ZNF214: variants seen among roughly 807,000 people sequenced by gnomAD.
ZNF214 encodes the protein BWSCR2-associated zinc finger protein 1.
In ZNF214, 43 loss-of-function variants were observed where a neutral mutation model predicts 53.9. That is an observed-to-expected ratio of 0.80 (90% CI 0.63 to 1.03). The LOEUF (loss-of-function observed/expected upper bound fraction) is 1.03, where lower values mean the gene tolerates loss of function less well. ZNF214 is among the 50% of genes least tolerant of loss of function. The pLI is 0.00. For missense variants in ZNF214, 724 were observed against 719.1 expected (o/e 1.01, Z -0.08); for synonymous variants, 217 against 229.5 (o/e 0.95, Z 0.49).
chr11:7,006,188 A>G (rs1851466534), intron 1 of ZNF214, among the ~76,000 whole-genome samples: 1 of 151,920 alleles, frequency 6.6e-6, no homozygotes, highest in Admixed American at 6.6e-5. Context: ...GGTGTTTGAG[A>G]GCTTCCTTAC....
chr11:7,008,585 A>C (rs535689771), intron 1 of ZNF214, among the ~76,000 whole-genome samples: 1 of 152,284 alleles, frequency 6.6e-6, no homozygotes, highest in Non-Finnish European at 1.5e-5. Context: ...AGTCCTAGCC[A>C]GAGCAATCAG....
At chr11:7,018,495 C>CTTTTTTTTTTTTTTTTTTTT (rs55641448) in intron 1 of ZNF214, among the ~76,000 whole-genome samples, 2 of 61,876 alleles carry the variant, frequency 3.2e-5, no homozygotes, top group Admixed American at 4.9e-4. Flanking sequence ...AATGTTAAGA[C>CTTTTTTTTTTTTTTTTTTTT]TTTTTTTTTT....
intron 1 of ZNF214, among the ~76,000 whole-genome samples, chr11:7,014,834 T>TGC (rs1851720817): frequency 7.2e-6 from 1 of 138,268 alleles, no homozygotes; most frequent in African/African-American, 2.6e-5. Context: ...AAAAAAACAC[T>TGC]ACCCAGGAGG....
In ZNF214 at chr11:7,002,387, TACA is replaced by T. The variant is rs935077335; in HGVS notation, c.127+319_127+321del. The stretch of plus-strand genomic sequence containing the variant: ...CCACTAAGTCTGGCATAGTATGTTA[TACA>T]ACAAAAGCTAACTTATACAAATAGC... On this transcript the variant is annotated intron_variant, in intron 2 of 2. Transcript: ENST00000278314. Among the ~76,000 whole-genome samples, 102 of 152,084 alleles carry T rather than the reference TACA, an allele frequency of 6.7e-4. 1 individual carries two copies. The highest frequency in any genetic ancestry group is 2.3e-3 in the African/African-American group (96 of 41,508).
chr11:7,009,634 C>A (rs541911274), intron 1 of ZNF214, among the ~76,000 whole-genome samples: 1 of 152,260 alleles, frequency 6.6e-6, no homozygotes, highest in African/African-American at 2.4e-5. Flanking sequence ...ACAGAGTAAA[C>A]AGACAACATA....
chr11:7,002,743 G>T lies in ZNF214; in HGVS notation c.93C>A (p.Val31=). 1 of 1,606,812 alleles carries T rather than the reference G, an allele frequency of 6.2e-7. No homozygotes were observed. Among genetic ancestry groups the T allele is most frequent in the Non-Finnish European group, 8.5e-7 (1 of 1,176,764 alleles). Reference sequence around the variant, plus strand: ...TGACATTTGTGTAGTTCTCCCACATGACCTCCCTGTAGAGTCTTTTTTGAG... The same window carrying T: ...TGACATTTGTGTAGTTCTCCCACATTACCTCCCTGTAGAGTCTTTTTTGAG... ...DSSQKRLYRE[V]MWENYTNVMS... is the part of the protein sequence containing the mutation. The change falls in exon 2 of 3, where the codon GTC becomes GTA. Residue 31 remains valine (V), a synonymous_variant. Transcript: ENST00000278314.
rs1564987799 is a variant in ZNF214 at position 6,999,916 on chromosome 11, C to CT, written c.1766dup (p.Phe591IlefsTer2). On this transcript the variant is annotated frameshift_variant, in exon 3 of 3. Transcript: ENST00000278314. LOFTEE classifies it high-confidence loss of function. ...GAAGATGTGAATTATGATCAAATCC[C>CT]TTATAATATTCACGGCATTTGTAAG... 1.2e-6 allele frequency: 2 copies of CT among 1,612,560 alleles called. No individual in the cohort carries two copies. The highest frequency in any genetic ancestry group is 1.7e-6 in the Non-Finnish European group (2 of 1,179,208).
chr11:7,000,650 G>A lies in ZNF214; in HGVS notation c.1033C>T (p.Leu345Phe), dbSNP rs1484604431. 6.3e-7 allele frequency: 1 copy of A among 1,598,970 alleles called. No individual in the cohort carries two copies. The highest frequency in any genetic ancestry group is 8.5e-7 in the Non-Finnish European group (1 of 1,174,996). The change falls in exon 3 of 3, where the codon CTT (leucine) becomes TTT (phenylalanine). Residue 345 changes from leucine (L) to phenylalanine (F), a missense_variant. Coordinates refer to ENST00000278314, the MANE Select transcript of ZNF214 (RefSeq NM_013249.4). ...ATGTGAAGTCTCTGGTGAATGTGAAGTAATGAATTTCTACTGAGGTCTTTA... is the reference window on the plus strand; with the variant it reads ...ATGTGAAGTCTCTGGTGAATGTGAAATAATGAATTTCTACTGAGGTCTTTA... ...CDKDLSRNSL[L>F]HIHQRLHIGE...
chr11:7,013,379 G>A lies in ZNF214; in HGVS notation c.-21+6694C>T, dbSNP rs116443636. On this transcript the variant is annotated intron_variant, in intron 1 of 2. Transcript: ENST00000278314. ...GTGTTGTGAAGGAAACTGAGGCAGG[G>A]TTTGCATAATGTCCTTTGGAATGTG... Among the ~76,000 whole-genome samples the A allele has an allele frequency of 2.6e-3, 391 of 152,304 alleles. 3 individuals carry two copies. Among genetic ancestry groups the A allele is most frequent in the African/African-American group, 9.2e-3 (383 of 41,558 alleles).
At chr11:7,011,480 C>T (rs563425461) in intron 1 of ZNF214, among the ~76,000 whole-genome samples, 18 of 151,814 alleles carry the variant, frequency 1.2e-4, no homozygotes, top group Non-Finnish European at 1.6e-4. Context: ...AGTTCAACAC[C>T]GATGTATTCT....
In ZNF214 at chr11:7,000,692, A is replaced by G; in HGVS notation, c.991T>C (p.Tyr331His). ...AGGTCTTTATCACACTCAATTTTAT[A>G]GAATTTCTCTTCTGTGTGGACTCTT... is the stretch of plus-strand genomic sequence containing the variant. ...HQRVHTEEKF[Y>H]KIECDKDLSR... The change falls in exon 3 of 3, where the codon TAT (tyrosine) becomes CAT (histidine). Residue 331 changes from tyrosine to histidine, a missense_variant. By Grantham distance (83) the Tyr-to-His change is moderately conservative. Transcript: ENST00000278314. The G allele has an allele frequency of 5.0e-6, 8 of 1,603,310 alleles. No homozygotes were observed. Among genetic ancestry groups the G allele is most frequent in the Non-Finnish European group, 6.8e-6 (8 of 1,176,772 alleles).
chr11:6,997,470 G>C lies in ZNF214; in HGVS notation c.*2392C>G, dbSNP rs1851212921. On this transcript the variant is annotated 3_prime_UTR_variant, in exon 3 of 3. Coordinates refer to ENST00000278314, the MANE Select transcript of ZNF214 (RefSeq NM_013249.4). ...TTAATATTTTAGGCCAACTTCTTGG[G>C]GATTTTTTTGGTAGTCATTGCTACA... Among the ~76,000 whole-genome samples the C allele has an allele frequency of 2.0e-5, 3 of 151,136 alleles. No individual in the cohort carries two copies. Among genetic ancestry groups the C allele is most frequent in the Non-Finnish European group, 4.4e-5 (3 of 67,702 alleles).
At chr11:7,010,962 AT>A (rs34969680) in intron 1 of ZNF214, among the ~76,000 whole-genome samples, 74,989 of 140,980 alleles carry the variant, frequency 0.53, 19,404 homozygotes, top group East Asian at 0.73. Flanking sequence ...TATAAAAAAA[AT>A]AAAATGGCAA....
chr11:7,017,325 A>G (rs1475577264), intron 1 of ZNF214, among the ~76,000 whole-genome samples: 4 of 152,230 alleles, frequency 2.6e-5, no homozygotes, highest in African/African-American at 4.8e-5. Context: ...AAAAGCCTAA[A>G]ACATGCTTAT....
chr11:6,998,798 T>A lies in ZNF214; in HGVS notation c.*1064A>T, dbSNP rs1257731544. Among the ~76,000 whole-genome samples the A allele has an allele frequency of 6.6e-6, 1 of 151,980 alleles. No individual in the cohort carries two copies. The highest frequency in any genetic ancestry group is 1.5e-5 in the Non-Finnish European group (1 of 67,914). On this transcript the variant is annotated 3_prime_UTR_variant, in exon 3 of 3. Transcript: ENST00000278314. ...AGGTCTTTAGGATGATATTCTTTTC[T>A]TCAGTATTGCAATTCCCTCTAATTT...
At chr11:7,013,484 TAA>T (rs1480614294) in intron 1 of ZNF214, among the ~76,000 whole-genome samples, 1 of 152,236 alleles carries the variant, frequency 6.6e-6, no homozygotes, top group Admixed American at 6.5e-5. Context: ...ATGTTCCATA[TAA>T]ATGCTAAACT....
At chr11:7,004,985 A>G (rs1197333916) in intron 1 of ZNF214, among the ~76,000 whole-genome samples, 1 of 152,078 alleles carries the variant, frequency 6.6e-6, no homozygotes, top group African/African-American at 2.4e-5. Flanking sequence ...GTTACGTAGC[A>G]TTTCATTTTA....
chr11:7,012,819 T>C (rs547212417), intron 1 of ZNF214, among the ~76,000 whole-genome samples: 30 of 152,304 alleles, frequency 2.0e-4, no homozygotes, highest in African/African-American at 6.7e-4. Flanking sequence ...GAATTCATAA[T>C]CTACTACCAT....
Position 6,999,809 on chromosome 11 carries a change from G to A in ZNF214, c.*53C>T. 3 of 1,510,422 alleles carry A rather than the reference G, an allele frequency of 2.0e-6. No individual in the cohort carries two copies. In the South Asian group the frequency reaches 4.0e-5, roughly 20 times the overall value. The allele number at this position is 1,510,422 out of a possible 1,614,324, so 93.6% of individuals were successfully genotyped here. On this transcript the variant is annotated 3_prime_UTR_variant, in exon 3 of 3. Coordinates refer to ENST00000278314, the MANE Select transcript of ZNF214 (RefSeq NM_013249.4). The stretch of plus-strand genomic sequence containing the variant: ...ATTTCCTTAACAGCAGGATTTATAG[G>A]GTTTAAAGGTTAGGTAAACTTTGAT...
Sources: allele counts gnomAD v4.1 joint callset (sites outside exome capture counted in the v4.1 genomes callset), GRCh38; gene constraint gnomAD v4.1.1; transcripts MANE v1.5; gene names NCBI Gene and HGNC (gene_info 2026-07-23, HGNC 2026-07-21).